The following TBXAS1 variants were observed in gnomAD, a reference collection of about 807,000 sequenced individuals.
The protein encoded by TBXAS1 is thromboxane-A synthase.
In TBXAS1, 48 loss-of-function variants were observed where a neutral mutation model predicts 60.7. The observed-to-expected ratio is 0.79, with a 90% CI of 0.63 to 1.01. The LOEUF (loss-of-function observed/expected upper bound fraction) is 1.01, where lower values mean the gene tolerates loss of function less well. Among genes scored for constraint, TBXAS1 ranks in the 50% least tolerant of loss-of-function variants. TBXAS1 has a pLI of 0.00. For synonymous variants in TBXAS1, 287 were observed against 269.7 expected, an observed-to-expected ratio of 1.06 and a Z score of -0.63; for missense variants, 685 against 686.3, an observed-to-expected ratio of 1.00 and a Z score of 0.02.
In TBXAS1 at chr7:139,783,733, A is replaced by G. The variant is rs921440146; in HGVS notation, c.-169+1004A>G. Among the ~76,000 whole-genome samples, 6 of 152,314 alleles carry G rather than the reference A, an allele frequency of 3.9e-5. 1 individual carries two copies. The Middle Eastern group carries it at 0.02, about 518-fold the overall frequency. The stretch of plus-strand genomic sequence containing the variant: ...CATTTCTGTACAGTGTGAAGTTTCA[A>G]TTGTAAGGTTTCCTCCCACTGACAT... On this transcript the variant is annotated intron_variant, in intron 3 of 16. Transcript: ENST00000336425.
chr7:139,968,334 G>A (rs748942832), intron 9 of TBXAS1, among the ~76,000 whole-genome samples: 2 of 152,012 alleles, frequency 1.3e-5, no homozygotes, highest in Non-Finnish European at 2.9e-5. Context: ...TTGCTCTGTC[G>A]CCCAGGCTGG....
Position 139,837,315 on chromosome 7 carries a change from C to G in TBXAS1, c.89+7836C>G, listed in dbSNP as rs1799134037. 3.3e-5 allele frequency among the ~76,000 whole-genome samples: 5 copies of G among 152,190 alleles called. No individual in the cohort carries two copies. In the South Asian group the frequency reaches 1.0e-3, roughly 32 times the overall value. On this transcript the variant is annotated intron_variant, in intron 1 of 12. Coordinates refer to ENST00000448866, the MANE Select transcript of TBXAS1 (RefSeq NM_001061.7). The stretch of plus-strand genomic sequence containing the variant: ...ATCCAGCAATTCCGCTACTGGGTAT[C>G]TACCCAAAGGAAAAGAAGTCTTTAT...
At chr7:139,818,770 A>T (rs149553315) in intron 4 of TBXAS1, among the ~76,000 whole-genome samples, 112 of 152,344 alleles carry the variant, frequency 7.4e-4, no homozygotes, top group African/African-American at 2.4e-3. Context: ...CAGAGGGTCC[A>T]GCTGGGCTGG....
At chr7:139,805,712 T>TTCTGTCTTTCTCTCTC in intron 4 of TBXAS1, among the ~76,000 whole-genome samples, 1 of 44,356 alleles carries the variant, frequency 2.3e-5, no homozygotes, top group East Asian at 7.0e-4. Context: ...CTTTCTTTCT[T>TTCTGTCTTTCTCTCTC]TCTCTCTCTC....
chr7:139,805,933 C>CTT lies in TBXAS1; in HGVS notation c.-80+18525_-80+18526dup, dbSNP rs35769530. On this transcript the variant is annotated intron_variant, in intron 4 of 16. Coordinates refer to the TBXAS1 transcript ENST00000336425. Reference sequence around the variant, plus strand: ...CACCACCATGCTTAGCAAATTTTTGCTTTTTTTTTTTTTTTTTTTGAGATG... The same window carrying CTT: ...CACCACCATGCTTAGCAAATTTTTGCTTTTTTTTTTTTTTTTTTTTTGAGATG... Among the ~76,000 whole-genome samples, 129 of 104,744 alleles carry CTT rather than the reference C, an allele frequency of 1.2e-3. 2 individuals are homozygous for CTT. Among genetic ancestry groups the CTT allele is most frequent in the African/African-American group, 2.3e-3 (51 of 22,060 alleles). The allele number at this position is 104,744 out of a possible 152,430, so 68.7% of individuals were successfully genotyped here.
intron 9 of TBXAS1, among the ~76,000 whole-genome samples, chr7:139,976,324 CG>C (rs907660503): frequency 2.0e-5 from 3 of 152,118 alleles, no homozygotes; most frequent in Admixed American, 2.0e-4. Flanking sequence ...GGTTGGGAGC[CG>C]GGGGACAGCC....
chr7:139,874,959 G>A (rs1170923421), intron 2 of TBXAS1, among the ~76,000 whole-genome samples: 2 of 152,154 alleles, frequency 1.3e-5, no homozygotes, highest in Non-Finnish European at 2.9e-5. Context: ...GCTGGGTGTG[G>A]TGGCACATGC....
At chr7:139,837,335 C>A (rs1256017187) in intron 1 of TBXAS1, among the ~76,000 whole-genome samples, 1 of 152,196 alleles carries the variant, frequency 6.6e-6, no homozygotes, top group African/African-American at 2.4e-5. Context: ...GAAAAGAAGT[C>A]TTTATTTGAA....
At chr7:139,989,693 G>T (rs1812750882) in intron 9 of TBXAS1, among the ~76,000 whole-genome samples, 1 of 152,198 alleles carries the variant, frequency 6.6e-6, no homozygotes, top group African/African-American at 2.4e-5. Flanking sequence ...GTCCTCCGTG[G>T]CCTACGCAGA....
At chr7:139,892,819 C>T (rs1803744087) in intron 3 of TBXAS1, among the ~76,000 whole-genome samples, 1 of 152,106 alleles carries the variant, frequency 6.6e-6, no homozygotes, top group Non-Finnish European at 1.5e-5. Context: ...CCCCATACCT[C>T]ACCAGCTCGG....
chr7:139,916,290 T>C lies in TBXAS1; in HGVS notation c.333+4969T>C, dbSNP rs1805963183. ...GGAAGGGTGATAAGAGGTAAGCCAG[T>C]CTTTGGCCCATGTTAGCTTGGTCTG... On this transcript the variant is annotated intron_variant, in intron 4 of 12. Coordinates refer to ENST00000448866, the MANE Select transcript of TBXAS1 (RefSeq NM_001061.7). The surrounding 1 kb of genome is among the most constrained non-coding windows in gnomAD (Gnocchi z 4.2). Among the ~76,000 whole-genome samples the C allele has an allele frequency of 6.6e-6, 1 of 152,102 alleles. No individual in the cohort carries two copies. The highest frequency in any genetic ancestry group is 1.5e-5 in the Non-Finnish European group (1 of 68,020).
At chr7:139,951,940 G>A (rs1285238178) in intron 5 of TBXAS1, among the ~76,000 whole-genome samples, 1,318 of 20,496 alleles carry the variant, frequency 0.064, 135 homozygotes, top group Middle Eastern at 0.24. Context: ...AGAGAAAGAA[G>A]GAAAGAAAGA....
At chr7:139,823,201 C>G (rs1332728229) in intron 4 of TBXAS1, among the ~76,000 whole-genome samples, 1 of 151,780 alleles carries the variant, frequency 6.6e-6, no homozygotes, top group Non-Finnish European at 1.5e-5. Flanking sequence ...CGCTCTGTGC[C>G]CTGCATGTAT....
chr7:139,880,414 A>C (rs1030619796), intron 3 of TBXAS1, among the ~76,000 whole-genome samples: 1 of 152,146 alleles, frequency 6.6e-6, no homozygotes, highest in Non-Finnish European at 1.5e-5. Context: ...ATATACTCCC[A>C]TCAGAGCATC....
intron 1 of TBXAS1, among the ~76,000 whole-genome samples, chr7:139,858,756 G>A (rs1800758671): frequency 6.6e-6 from 1 of 152,232 alleles, no homozygotes; most frequent in African/African-American, 2.4e-5. Flanking sequence ...TGAGAGTCAC[G>A]TCTTCTTGGC....
chr7:140,016,524 A>C (rs1815087876), intron 11 of TBXAS1: 1 of 206,762 alleles, frequency 4.8e-6, no homozygotes, highest in Admixed American at 5.9e-5. Flanking sequence ...TCTGCACTGG[A>C]AAGTAACGGA....
intron 3 of TBXAS1, among the ~76,000 whole-genome samples, chr7:139,876,237 T>C (rs979725746): frequency 1.3e-5 from 2 of 152,218 alleles, no homozygotes; most frequent in African/African-American, 4.8e-5. Flanking sequence ...TAAAGTAATA[T>C]AGCCCTTCTC....
intron 1 of TBXAS1, among the ~76,000 whole-genome samples, chr7:139,839,615 G>A (rs528942701): frequency 3.6e-4 from 53 of 148,542 alleles, no homozygotes; most frequent in Non-Finnish European, 5.9e-4. Context: ...AAAGTGGGAG[G>A]ATCACTTGAG....
intron 3 of TBXAS1, among the ~76,000 whole-genome samples, chr7:139,907,643 T>C (rs1805208680): frequency 6.6e-6 from 1 of 152,086 alleles, no homozygotes; most frequent in Non-Finnish European, 1.5e-5. Context: ...CATTAGAGAA[T>C]TGTACTCTCT....
Sources: allele counts gnomAD v4.1 joint callset (sites outside exome capture counted in the v4.1 genomes callset), GRCh38; gene constraint gnomAD v4.1.1; non-coding constraint Gnocchi (gnomAD v3.1); transcripts MANE v1.5; gene names NCBI Gene and HGNC (gene_info 2026-07-23, HGNC 2026-07-21).